SKAP1: variants seen among roughly 807,000 people sequenced by gnomAD.
SKAP1 encodes the protein src kinase-associated phosphoprotein 1.
In SKAP1, 44 loss-of-function variants were observed where a neutral mutation model predicts 58.5. That is an observed-to-expected ratio of 0.75 (90% CI 0.59 to 0.97). The LOEUF is 0.97. Among genes scored for constraint, SKAP1 ranks in the 50% least tolerant of loss-of-function variants. The probability of loss-of-function intolerance (pLI) is 0.00; values close to 1 mark genes in which losing one functional copy is unlikely to be tolerated. For missense variants in SKAP1, 390 were observed against 435.2 expected, an observed-to-expected ratio of 0.90 and a Z score of 0.92; for synonymous variants, 127 against 149.7, an observed-to-expected ratio of 0.85 and a Z score of 1.11.
intron 12 of SKAP1, among the ~76,000 whole-genome samples, chr17:48,136,296 T>G (rs1381099031): frequency 6.6e-6 from 1 of 151,896 alleles, no homozygotes; most frequent in East Asian, 1.9e-4. Context: ...CTCAGCCTCC[T>G]GAGTAGCTAG....
At chr17:48,332,966 T>C (rs2066525010) in intron 4 of SKAP1, among the ~76,000 whole-genome samples, 1 of 152,154 alleles carries the variant, frequency 6.6e-6, no homozygotes, top group African/African-American at 2.4e-5. Flanking sequence ...TAAAGAACAT[T>C]ATAACTAAAT....
intron 2 of SKAP1, among the ~76,000 whole-genome samples, chr17:48,365,119 G>T (rs745430662): frequency 5.7e-4 from 59 of 102,998 alleles, no homozygotes; most frequent in Non-Finnish European, 8.2e-4. Flanking sequence ...CTGTTTTTTT[G>T]TTTTTGTTTT....
intron 4 of SKAP1, among the ~76,000 whole-genome samples, chr17:48,208,242 GGCTGT>G (rs1358677119): frequency 6.6e-6 from 1 of 152,134 alleles, no homozygotes; most frequent in African/African-American, 2.4e-5. Flanking sequence ...AGAGGAAGGA[GGCTGT>G]GCTCTCTTAC....
At chr17:48,312,541 A>G (rs2066235814) in intron 4 of SKAP1, among the ~76,000 whole-genome samples, 1 of 152,232 alleles carries the variant, frequency 6.6e-6, no homozygotes, top group Admixed American at 6.5e-5. Flanking sequence ...ATACCAGGGT[A>G]AAGAAAAGAT....
At chr17:48,206,911 C>G (rs1002374830) in intron 4 of SKAP1, among the ~76,000 whole-genome samples, 1 of 152,102 alleles carries the variant, frequency 6.6e-6, no homozygotes, top group South Asian at 2.1e-4. Context: ...CCCACTTTAG[C>G]CTCCCAAGGG....
At chr17:48,282,722 C>T (rs1045847115) in intron 4 of SKAP1, among the ~76,000 whole-genome samples, 19 of 151,800 alleles carry the variant, frequency 1.3e-4, no homozygotes, top group African/African-American at 3.9e-4. Flanking sequence ...TGCAGTGAGC[C>T]AAGGTCGTCT....
intron 4 of SKAP1, among the ~76,000 whole-genome samples, chr17:48,338,076 CT>C (rs1304681550): frequency 2.0e-5 from 3 of 150,448 alleles, no homozygotes; most frequent in African/African-American, 7.3e-5. Context: ...TTCTTTCTTT[CT>C]TTTCTTCCTT....
intron 4 of SKAP1, among the ~76,000 whole-genome samples, chr17:48,292,987 G>A (rs1233144276): frequency 6.6e-6 from 1 of 152,162 alleles, no homozygotes. Flanking sequence ...AAAGCACACT[G>A]GGGCAAGTTC....
At chr17:48,309,589 G>A (rs2066195425) in intron 4 of SKAP1, among the ~76,000 whole-genome samples, 1 of 152,090 alleles carries the variant, frequency 6.6e-6, no homozygotes, top group Admixed American at 6.5e-5. Context: ...ATACATATGT[G>A]TTGGTATATA....
intron 11 of SKAP1, among the ~76,000 whole-genome samples, chr17:48,138,291 G>A (rs1181071260): frequency 1.3e-5 from 2 of 150,164 alleles, no homozygotes; most frequent in African/African-American, 4.9e-5. Flanking sequence ...TGCAACCTCC[G>A]GCTCCCACGT....
At chr17:48,257,628 CTT>C (rs56225931) in intron 4 of SKAP1, among the ~76,000 whole-genome samples, 92 of 111,140 alleles carry the variant, frequency 8.3e-4, no homozygotes, top group East Asian at 2.4e-3. Context: ...TTCTTTCTTT[CTT>C]TTTTTTTTTT....
Position 48,430,102 on chromosome 17 carries a change from G to C in SKAP1, c.19C>G (p.Pro7Ala). MQAAAL[P>A]EEIRWLLEDA... ...TCCAGGAGCCAACGGATCTCCTCAGGGAGGGCGGCGGCCTGCATTTGGCTG... is the reference window on the plus strand; with the variant it reads ...TCCAGGAGCCAACGGATCTCCTCAGCGAGGGCGGCGGCCTGCATTTGGCTG... The change falls in exon 1 of 13, where the codon CCT (proline) becomes GCT (alanine). Residue 7 changes from proline (P) to alanine (A), a missense_variant. Pro to Ala is a conservative substitution (Grantham distance 27). Coordinates refer to ENST00000336915, the MANE Select transcript of SKAP1 (RefSeq NM_003726.4). 5 of 1,263,762 alleles carry C rather than the reference G, an allele frequency of 4.0e-6. No individual in the cohort carries two copies. The highest frequency in any genetic ancestry group is 5.0e-6 in the Non-Finnish European group (5 of 996,742). The allele number at this position is 1,263,762 out of a possible 1,614,324, so 78.3% of individuals were successfully genotyped here.
chr17:48,190,596 T>G (rs1293625644), intron 4 of SKAP1, among the ~76,000 whole-genome samples: 2 of 152,144 alleles, frequency 1.3e-5, no homozygotes, highest in African/African-American at 4.8e-5. Flanking sequence ...AACAAACAGA[T>G]AGCCATCTCT....
chr17:48,260,777 A>G (rs2065476189), intron 4 of SKAP1, among the ~76,000 whole-genome samples: 2 of 152,176 alleles, frequency 1.3e-5, no homozygotes. Flanking sequence ...TTTTCACACC[A>G]TGACTATCTC....
At chr17:48,186,185 A>G (rs1253925517) in intron 6 of SKAP1, among the ~76,000 whole-genome samples, 1 of 152,250 alleles carries the variant, frequency 6.6e-6, no homozygotes, top group Non-Finnish European at 1.5e-5. Flanking sequence ...GCTGGATTGA[A>G]TGCCTATAAT....
At chr17:48,339,538 T>C (rs1450408205) in intron 4 of SKAP1, among the ~76,000 whole-genome samples, 2 of 152,168 alleles carry the variant, frequency 1.3e-5, no homozygotes, top group African/African-American at 2.4e-5. Context: ...ATTTTTTCAA[T>C]CTACTAGGGT....
intron 4 of SKAP1, among the ~76,000 whole-genome samples, chr17:48,309,986 T>C (rs1004449507): frequency 6.6e-6 from 1 of 152,226 alleles, no homozygotes; most frequent in African/African-American, 2.4e-5. Context: ...GGGAAGCCTG[T>C]CTTGGTTTTG....
chr17:48,298,619 G>T (rs77516324), intron 4 of SKAP1, among the ~76,000 whole-genome samples: 1 of 152,060 alleles, frequency 6.6e-6, no homozygotes, highest in Admixed American at 6.6e-5. Flanking sequence ...TACGTAATTC[G>T]CTTCAAGACA....
At chr17:48,155,734 G>A (rs1258266893) in intron 11 of SKAP1, among the ~76,000 whole-genome samples, 1 of 152,122 alleles carries the variant, frequency 6.6e-6, no homozygotes, top group Non-Finnish European at 1.5e-5. Flanking sequence ...GCACTTGCCT[G>A]TAGTCCCAGT....
Sources: gnomAD v4.1 joint callset for allele counts (sites outside exome capture counted in the v4.1 genomes callset) on GRCh38, gnomAD v4.1.1 for gene constraint, MANE v1.5 for transcripts, NCBI Gene and HGNC (gene_info 2026-07-23, HGNC 2026-07-21) for gene names.